The following TRIM9 variants were observed in gnomAD, a reference collection of about 807,000 sequenced individuals.
TRIM9 encodes tripartite motif containing 9, also known as E3 ubiquitin-protein ligase TRIM9.
A neutral mutation model predicts 78.3 loss-of-function variants in TRIM9; 26 were observed. The ratio of observed to expected loss-of-function variants is 0.33; its 90% CI spans 0.24 to 0.46. The LOEUF is 0.46. Ranked by LOEUF, TRIM9 falls within the 20% of genes least tolerant of loss-of-function variation. The pLI, the probability that TRIM9 is intolerant of heterozygous loss-of-function variation, is 1.00. For synonymous variants in TRIM9, 398 were observed against 416.5 expected (o/e 0.96, Z 0.54); for missense variants, 787 against 1,036.4 (o/e 0.76, Z 3.30).
intron 1 of TRIM9, among the ~76,000 whole-genome samples, chr14:51,032,916 A>C (rs2058853510): frequency 6.6e-6 from 1 of 152,188 alleles, no homozygotes; most frequent in Non-Finnish European, 1.5e-5. Flanking sequence ...TCTTGTCAGC[A>C]CTCAGAAAGT....
intron 2 of TRIM9, 80 bp from the exon 3 acceptor site, chr14:51,023,037 G>A (rs549580888): frequency 3.1e-4 from 484 of 1,566,738 alleles, no homozygotes; most frequent in Non-Finnish European, 4.0e-4. Flanking sequence ...CCCCCATCCT[G>A]CTGAAGGGAA....
chr14:51,019,880 C>T (rs1045532959), intron 3 of TRIM9, among the ~76,000 whole-genome samples: 1 of 152,186 alleles, frequency 6.6e-6, no homozygotes, highest in Admixed American at 6.5e-5. Flanking sequence ...CTTTACCACT[C>T]AGTTCCATCT....
At chr14:51,000,539 G>A in intron 6 of TRIM9, 144 bp downstream of exon 6, 1 of 1,083,972 alleles carries the variant, frequency 9.2e-7, no homozygotes, top group Non-Finnish European at 1.3e-6. Context: ...GGAGAAAGCA[G>A]GCTTCAGGTG....
chr14:51,058,731 CG>C (rs1427460933), intron 1 of TRIM9, among the ~76,000 whole-genome samples: 3 of 152,166 alleles, frequency 2.0e-5, no homozygotes, highest in Admixed American at 2.0e-4. Context: ...ATTTCTATTA[CG>C]TTTAAGCCCC....
At chr14:51,085,430 C>CT (rs11404701) in intron 1 of TRIM9, among the ~76,000 whole-genome samples, 76,896 of 152,004 alleles carry the variant, frequency 0.51, 20,474 homozygotes, top group African/African-American at 0.66. Context: ...CTATGCAAGG[C>CT]TATGAAAAAC....
intron 11 of TRIM9, 133 bp downstream of exon 11, chr14:50,981,667 G>T: frequency 8.9e-7 from 1 of 1,119,234 alleles, no homozygotes; most frequent in Non-Finnish European, 1.3e-6. Context: ...CTCATAGATT[G>T]CCTGTGCTAC....
intron 12 of TRIM9, among the ~76,000 whole-genome samples, chr14:50,978,000 G>A (rs1240395111): frequency 6.6e-6 from 1 of 151,980 alleles, no homozygotes; most frequent in Admixed American, 6.6e-5. Context: ...AATATTCTTT[G>A]AAAGGGAAAT....
intron 3 of TRIM9, among the ~76,000 whole-genome samples, chr14:51,016,279 C>T (rs576669284): frequency 5.9e-5 from 9 of 152,246 alleles, no homozygotes; most frequent in South Asian, 2.1e-4. Flanking sequence ...TGTTAGAAAC[C>T]GGGCTGCACA....
At position 51,076,553 on chromosome 14, in the gene TRIM9, G is replaced by C. The variant is rs79605425; in HGVS notation, c.822+17565C>G. ...TAAAAACCTGGGTTTATTACAAAAG[G>C]CTTTCTCATACATTCATTCTGTCAT... On this transcript the variant is annotated intron_variant, in intron 1 of 12. Transcript: ENST00000684578. Among the ~76,000 whole-genome samples the C allele has an allele frequency of 1.4e-4, 22 of 152,234 alleles. No individual in the cohort carries two copies. The East Asian group carries it at 4.3e-3, about 29-fold the overall frequency.
chr14:51,047,043 G>A (rs2060001646), intron 1 of TRIM9, among the ~76,000 whole-genome samples: 2 of 152,104 alleles, frequency 1.3e-5, no homozygotes, highest in African/African-American at 2.4e-5. Context: ...GGATGGGGAC[G>A]GGGATACATG....
chr14:51,053,249 C>T lies in TRIM9; in HGVS notation c.823-27889G>A, dbSNP rs375334176. 5.5e-4 allele frequency among the ~76,000 whole-genome samples: 83 copies of T among 151,440 alleles called. No homozygotes were observed. The South Asian group carries it at 0.017, about 31-fold the overall frequency. On this transcript the variant is annotated intron_variant, in intron 1 of 12. Coordinates refer to ENST00000684578, the MANE Select transcript of TRIM9 (RefSeq NM_001387360.1). ...ACGCAAAAAGAATCTTAAAAAATGT[C>T]TTACACAGAGCACTTTTATTTCATA...
At chr14:51,003,582 T>C (rs1245439104) in intron 5 of TRIM9, among the ~76,000 whole-genome samples, 1 of 152,144 alleles carries the variant, frequency 6.6e-6, no homozygotes, top group African/African-American at 2.4e-5. Flanking sequence ...ATGTCATGTG[T>C]AATTAAAACA....
At position 51,030,355 on chromosome 14, in the gene TRIM9, G is replaced by A. The variant is rs532323935; in HGVS notation, c.823-4995C>T. On this transcript the variant is annotated intron_variant, in intron 1 of 12. Transcript: ENST00000684578. Reference sequence around the variant, plus strand: ...GCCTGCAAGAATGGATCCCTTCTCCGGTTTCTCTGGTGCTGGAAGATCCTG... The same window carrying A: ...GCCTGCAAGAATGGATCCCTTCTCCAGTTTCTCTGGTGCTGGAAGATCCTG... Among the ~76,000 whole-genome samples the A allele has an allele frequency of 6.6e-5, 10 of 152,286 alleles. 2 individuals are homozygous for A. The Middle Eastern group carries it at 0.02, about 311-fold the overall frequency.
intron 1 of TRIM9, among the ~76,000 whole-genome samples, chr14:51,055,061 A>T (rs781324608): frequency 1.3e-4 from 19 of 151,460 alleles, no homozygotes; most frequent in Non-Finnish European, 2.7e-4. Flanking sequence ...TGACCTCGTG[A>T]TCCGTCCGCC....
Position 51,021,324 on chromosome 14 carries a change from T to C in TRIM9, c.1041+1511A>G, listed in dbSNP as rs1022088435. Among the ~76,000 whole-genome samples the C allele has an allele frequency of 7.2e-5, 11 of 152,156 alleles. No individual in the cohort carries two copies. In the East Asian group the frequency reaches 1.5e-3, roughly 21 times the overall value. ...TTCCTGCAGGTAGGAATGTAAATGG[T>C]CATTAACACACACTTCCTACAATTT... On this transcript the variant is annotated intron_variant, in intron 3 of 12. Transcript: ENST00000684578.
chr14:51,015,776 G>A (rs988879155), intron 3 of TRIM9, among the ~76,000 whole-genome samples: 9 of 151,958 alleles, frequency 5.9e-5, no homozygotes, highest in Non-Finnish European at 1.3e-4. Flanking sequence ...AAAGCATTGG[G>A]ATTACAGGCG....
intron 8 of TRIM9, among the ~76,000 whole-genome samples, chr14:50,984,772 AT>A (rs949586187): frequency 4.0e-4 from 61 of 152,358 alleles, no homozygotes; most frequent in African/African-American, 1.3e-3. Flanking sequence ...CCCATCAAAT[AT>A]CCCAAAACTC....
intron 4 of TRIM9, among the ~76,000 whole-genome samples, chr14:51,009,516 C>G (rs914261879): frequency 7.2e-5 from 11 of 152,142 alleles, no homozygotes; most frequent in African/African-American, 2.7e-4. Context: ...CTATTTATGA[C>G]AGATTTACTA....
At chr14:50,997,080 G>A (rs1255983133) in intron 7 of TRIM9, 40 of 985,302 alleles carry the variant, frequency 4.1e-5, no homozygotes, top group Non-Finnish European at 4.8e-5. Flanking sequence ...GCAGAGGGAA[G>A]TTATGGAGAA....
Sources: gnomAD v4.1 joint callset for allele counts (sites outside exome capture counted in the v4.1 genomes callset) on GRCh38, gnomAD v4.1.1 for gene constraint, MANE v1.5 for transcripts, NCBI Gene and HGNC (gene_info 2026-07-23, HGNC 2026-07-21) for gene names.